The following HDAC5 variants were observed in gnomAD, a reference collection of about 807,000 sequenced individuals.
HDAC5 encodes histone deacetylase 5, also known as antigen NY-CO-9.
In HDAC5, 25 loss-of-function variants were observed where a neutral mutation model predicts 133.3. The observed-to-expected ratio is 0.19, with a 90% confidence interval of 0.14 to 0.26. The LOEUF (loss-of-function observed/expected upper bound fraction) is 0.26. Ranked by LOEUF, HDAC5 falls within the 10% of genes least tolerant of loss-of-function variation. HDAC5 has a pLI of 1.00. For missense variants in HDAC5, 1,041 were observed against 1,460.5 expected, an observed-to-expected ratio of 0.71 and a Z score of 4.68; for synonymous variants, 589 against 610.8, an observed-to-expected ratio of 0.96 and a Z score of 0.53.
Position 44,087,604 on chromosome 17 carries a change from C to G in HDAC5, c.1692G>C (p.Leu564=), listed in dbSNP as rs765450492. 6 of 1,614,064 alleles carry G rather than the reference C, an allele frequency of 3.7e-6. No individual in the cohort carries two copies. Among genetic ancestry groups the G allele is most frequent in the Non-Finnish European group, 5.1e-6 (6 of 1,179,960 alleles). Residue 564 remains leucine (L), a synonymous_variant, in exon 13 of 27, where the codon CTG becomes CTC. Coordinates refer to ENST00000682912, the MANE Select transcript of HDAC5 (RefSeq NM_005474.5). ...EELTEQQEVL[L]GEGALTMPRE... Reference sequence around the variant, plus strand: ...GGGGCATGGTCAGGGCTCCCTCCCCCAGCAAGACCTCCTGCTGCTCCGTCA... The same window carrying G: ...GGGGCATGGTCAGGGCTCCCTCCCCGAGCAAGACCTCCTGCTGCTCCGTCA...
chr17:44,092,813 T>TGGGGGGGGGGGGCCCCCCGGGGGG lies in HDAC5; in HGVS notation c.642-8_642-7insCCCCCCGGGGGGCCCCCCCCCCCC. 1 of 403,448 alleles carries TGGGGGGGGGGGGCCCCCCGGGGGG rather than the reference T, an allele frequency of 2.5e-6. No individual in the cohort carries two copies. Among genetic ancestry groups the TGGGGGGGGGGGGCCCCCCGGGGGG allele is most frequent in the South Asian group, 5.2e-5 (1 of 19,342 alleles). 25.0% of individuals were successfully genotyped at this position (403,448 alleles called of 1,614,324 possible). ...AGAAGCATGGTGGGCTCCCCTGGGG[T>TGGGGGGGGGGGGCCCCCCGGGGGG]GGGGGGGGGGTGGGGATGGAAGCAG... On this transcript the variant is annotated splice_region_variant and splice_polypyrimidine_tract_variant and intron_variant, in intron 6 of 26. Coordinates refer to ENST00000682912, the MANE Select transcript of HDAC5 (RefSeq NM_005474.5).
At chr17:44,106,008 G>C (rs183462) in intron 3 of HDAC5, among the ~76,000 whole-genome samples, 96,882 of 152,112 alleles carry the variant, frequency 0.64, 33,311 homozygotes, top group South Asian at 0.88. Flanking sequence ...ATTTTAATAC[G>C]CTCCCTTGGT....
At chr17:44,082,921 C>T (rs2050464040) in intron 18 of HDAC5, 101 bp from the exon 19 acceptor site, 2 of 1,016,104 alleles carry the variant, frequency 2.0e-6, no homozygotes, top group Non-Finnish European at 3.0e-6. Flanking sequence ...GAAGTGAACA[C>T]AAACCAGAAA....
intron 1 of HDAC5, among the ~76,000 whole-genome samples, chr17:44,122,531 G>C (rs532486052): frequency 6.6e-6 from 1 of 152,296 alleles, no homozygotes; most frequent in Admixed American, 6.5e-5. Context: ...AAAAGCAACT[G>C]CAGCTGTTAC....
intron 3 of HDAC5, among the ~76,000 whole-genome samples, chr17:44,109,946 G>C (rs953995210): frequency 6.6e-6 from 1 of 152,240 alleles, no homozygotes; most frequent in African/African-American, 2.4e-5. Flanking sequence ...CAGGTTCCTG[G>C]GAGTGAGGGA....
At chr17:44,095,755 AG>A (rs566884254) in intron 3 of HDAC5, among the ~76,000 whole-genome samples, 10 of 152,076 alleles carry the variant, frequency 6.6e-5, no homozygotes, top group Non-Finnish European at 1.5e-4. Flanking sequence ...AGGAGGTGGG[AG>A]GAGGAGACAG....
At chr17:44,108,751 CAAAAAAAAAACAA>C (rs763706006) in intron 3 of HDAC5, among the ~76,000 whole-genome samples, 5 of 56,944 alleles carry the variant, frequency 8.8e-5, no homozygotes, top group Admixed American at 2.0e-4. Flanking sequence ...TTCCAGAGTC[CAAAAAAAAAACAA>C]AAAAAAAACA....
chr17:44,117,597 A>C lies in HDAC5; in HGVS notation c.-82T>G. The C allele has an allele frequency of 1.3e-6, 2 of 1,508,650 alleles. No individual in the cohort carries two copies. The highest frequency in any genetic ancestry group is 9.2e-7 in the Non-Finnish European group (1 of 1,092,182). 93.5% of individuals were successfully genotyped at this position (1,508,650 alleles called of 1,614,324 possible). A position where few individuals can be genotyped will look rare whatever the true frequency, so the allele number is the denominator to read the frequency against. ...GCTGCGGTGATGTCAAGAGAGACAG[A>C]CGATAACAGACAGACGGACGGGACG... On this transcript the variant is annotated 5_prime_UTR_variant, in exon 2 of 27. Transcript: ENST00000682912. The surrounding 1 kb of genome is among the most constrained non-coding windows in gnomAD (Gnocchi z 4.2).
chr17:44,120,277 A>G (rs1167214506), intron 1 of HDAC5, among the ~76,000 whole-genome samples: 1 of 152,180 alleles, frequency 6.6e-6, no homozygotes, highest in Non-Finnish European at 1.5e-5. Context: ...TGTCCCTTGA[A>G]GACCCTCTCT....
In HDAC5 at chr17:44,087,512, C is replaced by G; in HGVS notation, c.1784G>C (p.Gly595Ala). Residue 595 changes from glycine to alanine, a missense_variant, in exon 13 of 27, where the codon GGG (glycine) becomes GCG (alanine). This residue lies in a region of HDAC5 where 433 missense variants were observed against 531.6 expected (regional missense o/e 0.81). Coordinates refer to ENST00000682912, the MANE Select transcript of HDAC5 (RefSeq NM_005474.5). ...DLEEEDEEDDGEEEEDCIQVK... is the reference protein window; with the variant it reads ...DLEEEDEEDDAEEEEDCIQVK... ...CTGGATGCAATCCTCCTCCTCCTCC[C>G]CATCGTCTTCCTCGTCCTCCTCCTC... 1 of 1,605,726 alleles carries G rather than the reference C, an allele frequency of 6.2e-7. No homozygotes were observed. Among genetic ancestry groups the G allele is most frequent in the Non-Finnish European group, 8.5e-7 (1 of 1,172,372 alleles).
At chr17:44,113,231 CCCCAGAACCTGGAGCA>C (rs1387018983) in intron 2 of HDAC5, among the ~76,000 whole-genome samples, 3 of 152,196 alleles carry the variant, frequency 2.0e-5, no homozygotes, top group Admixed American at 2.0e-4. Flanking sequence ...AAAGCAGGGC[CCCCAGAACCTGGAGCA>C]CCCAGACATT....
At position 44,078,328 on chromosome 17, in the gene HDAC5, A is replaced by T; in HGVS notation, c.*48T>A. On this transcript the variant is annotated 3_prime_UTR_variant, in exon 27 of 27. Coordinates refer to ENST00000682912, the MANE Select transcript of HDAC5 (RefSeq NM_005474.5). Reference sequence around the variant, plus strand: ...TGACTTTTTGTTTTTAATAGAAAAAATAAACAAAATCACAATGGTGAAGCC... The same window carrying T: ...TGACTTTTTGTTTTTAATAGAAAAATTAAACAAAATCACAATGGTGAAGCC... 2.7e-6 allele frequency: 4 copies of T among 1,502,436 alleles called. No homozygotes were observed. The highest frequency in any genetic ancestry group is 3.5e-6 in the Non-Finnish European group (4 of 1,128,378). The allele number at this position is 1,502,436 out of a possible 1,614,324, so 93.1% of individuals were successfully genotyped here.
Position 44,095,545 on chromosome 17 carries a change from C to G in HDAC5, c.95-1711G>C, listed in dbSNP as rs377532954. ...GGGGTGGGGTGGGAACAGGAGGCCT[C>G]GGGGAAAGGGGGTGCAGGGCTGCAC... On this transcript the variant is annotated intron_variant, in intron 3 of 26. Transcript: ENST00000682912. 9.2e-4 allele frequency among the ~76,000 whole-genome samples: 136 copies of G among 147,350 alleles called. 2 individuals carry two copies. The East Asian group carries it at 0.025, about 27-fold the overall frequency.
chr17:44,085,794 A>C (rs894857493), intron 14 of HDAC5, among the ~76,000 whole-genome samples: 80 of 151,910 alleles, frequency 5.3e-4, no homozygotes, highest in African/African-American at 1.9e-3. Flanking sequence ...GAGCCACTGC[A>C]CCCAACCTAT....
chr17:44,109,162 G>A (rs1468139028), intron 3 of HDAC5, among the ~76,000 whole-genome samples: 2 of 152,240 alleles, frequency 1.3e-5, no homozygotes, highest in African/African-American at 2.4e-5. Context: ...AGAGGCGACA[G>A]GGCAGGATGG....
intron 1 of HDAC5, chr17:44,123,291 G>A (rs1309805704): frequency 3.1e-6 from 1 of 318,472 alleles, no homozygotes; most frequent in East Asian, 5.0e-5. Flanking sequence ...GGGGCAGGGA[G>A]GGGCGCGCGC....
chr17:44,078,324 AAAAAT>A lies in HDAC5; in HGVS notation c.*47_*51del. 13 of 1,496,766 alleles carry A rather than the reference AAAAAT, an allele frequency of 8.7e-6. No individual in the cohort carries two copies. The highest frequency in any genetic ancestry group is 1.2e-5 in the Non-Finnish European group (13 of 1,125,096). The allele number at this position is 1,496,766 out of a possible 1,614,324, so 92.7% of individuals were successfully genotyped here. ...TGTGTGACTTTTTGTTTTTAATAGA[AAAAAT>A]AAACAAAATCACAATGGTGAAGCCC... On this transcript the variant is annotated 3_prime_UTR_variant, in exon 27 of 27. Coordinates refer to ENST00000682912, the MANE Select transcript of HDAC5 (RefSeq NM_005474.5).
intron 3 of HDAC5, among the ~76,000 whole-genome samples, chr17:44,097,252 G>C (rs977695641): frequency 6.6e-6 from 1 of 152,256 alleles, no homozygotes; most frequent in East Asian, 1.9e-4. Flanking sequence ...GGTGGGGTGG[G>C]AGAAGGTAAA....
chr17:44,097,926 G>A (rs574099595), intron 3 of HDAC5, among the ~76,000 whole-genome samples: 34 of 152,390 alleles, frequency 2.2e-4, no homozygotes, highest in African/African-American at 8.2e-4. Flanking sequence ...GCCCGGAGCT[G>A]CAGCGGGAAC....
Sources: gnomAD v4.1 joint callset for allele counts (sites outside exome capture counted in the v4.1 genomes callset) on GRCh38, gnomAD v4.1.1 for gene constraint, gnomAD v4.1.1 regional missense constraint, Gnocchi (gnomAD v3.1) non-coding constraint, MANE v1.5 for transcripts, NCBI Gene and HGNC (gene_info 2026-07-23, HGNC 2026-07-21) for gene names.